CACNA2D3: variants seen among roughly 807,000 people sequenced by gnomAD.
The protein encoded by CACNA2D3 is voltage-dependent calcium channel subunit alpha-2/delta-3.
CACNA2D3 carries 60 observed loss-of-function variants against 160.6 expected under a neutral mutation model. The observed-to-expected ratio is 0.37, with a 90% CI of 0.30 to 0.46. CACNA2D3 has a LOEUF of 0.46. Among genes scored for constraint, CACNA2D3 ranks in the 20% least tolerant of loss-of-function variants. CACNA2D3 has a pLI of 1.00. For missense variants in CACNA2D3, 1,205 were observed against 1,365.0 expected, an observed-to-expected ratio of 0.88 and a Z score of 1.85; for synonymous variants, 558 against 492.9, an observed-to-expected ratio of 1.13 and a Z score of -1.75.
intron 30 of CACNA2D3, among the ~76,000 whole-genome samples, chr3:54,985,422 A>T (rs1284575286): frequency 6.6e-6 from 1 of 152,234 alleles, no homozygotes. Flanking sequence ...ACATTAACGT[A>T]TAAAAAAAGG....
Position 54,780,114 on chromosome 3 carries a change from G to T in CACNA2D3, c.1380+15763G>T, listed in dbSNP as rs533366899. On this transcript the variant is annotated intron_variant, in intron 13 of 37. Transcript: ENST00000474759. ...CAATGAGACCCCAAGGCTTACAGAA[G>T]AAATAATATAAAGAATATTGCTACA... is the stretch of plus-strand genomic sequence containing the variant. Among the ~76,000 whole-genome samples, 6 of 152,268 alleles carry T rather than the reference G, an allele frequency of 3.9e-5. No homozygotes were observed. The South Asian group carries it at 1.2e-3, about 32-fold the overall frequency.
At chr3:54,796,533 A>G (rs1255125951) in intron 13 of CACNA2D3, among the ~76,000 whole-genome samples, 1 of 152,238 alleles carries the variant, frequency 6.6e-6, no homozygotes, top group African/African-American at 2.4e-5. Flanking sequence ...CCAATGGGCC[A>G]AGGTAAAAAC....
intron 2 of CACNA2D3, among the ~76,000 whole-genome samples, chr3:54,299,691 G>A (rs1348525598): frequency 6.6e-6 from 1 of 152,186 alleles, no homozygotes; most frequent in Admixed American, 6.5e-5. Flanking sequence ...TTCAGAAAAG[G>A]GAACTTTTTC....
intron 27 of CACNA2D3, among the ~76,000 whole-genome samples, chr3:54,926,505 TACACAC>T (rs36205023): frequency 0.25 from 35,537 of 143,112 alleles, 4,587 homozygotes; most frequent in East Asian, 0.43. Flanking sequence ...GCCTGTCAAA[TACACAC>T]ACACACACAC....
At chr3:54,270,586 T>C (rs1184078752) in intron 2 of CACNA2D3, among the ~76,000 whole-genome samples, 1 of 152,220 alleles carries the variant, frequency 6.6e-6, no homozygotes, top group African/African-American at 2.4e-5. Context: ...CCATTTATTA[T>C]CTTACAGTTC....
chr3:54,687,844 A>G (rs1026445549), intron 11 of CACNA2D3, among the ~76,000 whole-genome samples: 1 of 152,218 alleles, frequency 6.6e-6, no homozygotes, highest in Non-Finnish European at 1.5e-5. Context: ...GGTGTTAGAT[A>G]TATGCTGTCA....
At chr3:54,887,573 T>C (rs963824869) in intron 23 of CACNA2D3, among the ~76,000 whole-genome samples, 9 of 152,218 alleles carry the variant, frequency 5.9e-5, no homozygotes, top group Non-Finnish European at 1.5e-5. Context: ...TGCTAAAGAA[T>C]TTCAGTTTTA....
intron 5 of CACNA2D3, among the ~76,000 whole-genome samples, chr3:54,549,635 A>G (rs1006061675): frequency 3.3e-5 from 5 of 152,010 alleles, no homozygotes; most frequent in African/African-American, 1.2e-4. Context: ...TGCTGCCCAC[A>G]TGCCCCCAGC....
At chr3:54,819,347 G>A (rs1703533254) in intron 14 of CACNA2D3, among the ~76,000 whole-genome samples, 1 of 152,150 alleles carries the variant, frequency 6.6e-6, no homozygotes, top group Non-Finnish European at 1.5e-5. Context: ...CTGGCATATG[G>A]TAGACCCTCA....
chr3:54,298,571 G>C (rs766937282), intron 2 of CACNA2D3, among the ~76,000 whole-genome samples: 8 of 152,156 alleles, frequency 5.3e-5, no homozygotes, highest in Non-Finnish European at 1.0e-4. Context: ...GGCCGAAGTG[G>C]GTGGATCACT....
chr3:55,072,036 C>G (rs1194625302), intron 35 of CACNA2D3, among the ~76,000 whole-genome samples: 1 of 152,006 alleles, frequency 6.6e-6, no homozygotes, highest in East Asian at 1.9e-4. Context: ...CTTGCATAGG[C>G]AAGAAAGAGT....
At chr3:54,190,464 A>G (rs1401346332) in intron 2 of CACNA2D3, among the ~76,000 whole-genome samples, 1 of 152,230 alleles carries the variant, frequency 6.6e-6, no homozygotes, top group Non-Finnish European at 1.5e-5. Flanking sequence ...TCACCCTGCC[A>G]CCAGCACACA....
rs1326729645 is a variant in CACNA2D3 at position 54,742,367 on chromosome 3, G to A, written c.1168-10232G>A. 4.6e-5 allele frequency among the ~76,000 whole-genome samples: 7 copies of A among 152,052 alleles called. No individual in the cohort carries two copies. In the South Asian group the frequency reaches 1.0e-3, roughly 23 times the overall value. ...TGGGAGGCGGAGGTTGCAGTGAGCT[G>A]TGATCGAGCCACTGCACTCCATCCT... On this transcript the variant is annotated intron_variant, in intron 11 of 37. Transcript: ENST00000474759.
chr3:54,240,583 G>A (rs2107406930), intron 2 of CACNA2D3, among the ~76,000 whole-genome samples: 1 of 152,264 alleles, frequency 6.6e-6, no homozygotes, highest in Non-Finnish European at 1.5e-5. Context: ...GAGGATGAGA[G>A]GAAGGAGGAG....
At chr3:54,319,684 C>A (rs78775756) in intron 2 of CACNA2D3, among the ~76,000 whole-genome samples, 16 of 151,970 alleles carry the variant, frequency 1.1e-4, no homozygotes, top group Non-Finnish European at 1.9e-4. Context: ...TCCCTGAGAG[C>A]GTCTCTTTAT....
At chr3:54,843,921 G>A (rs1375357994) in intron 16 of CACNA2D3, among the ~76,000 whole-genome samples, 1 of 152,150 alleles carries the variant, frequency 6.6e-6, no homozygotes, top group African/African-American at 2.4e-5. Context: ...CACTGTGACT[G>A]GGTGAGTCTG....
intron 4 of CACNA2D3, among the ~76,000 whole-genome samples, chr3:54,455,304 T>C (rs572285733): frequency 2.6e-5 from 4 of 152,228 alleles, no homozygotes; most frequent in South Asian, 4.1e-4. Flanking sequence ...TGAGATGATA[T>C]TGTGGTTTTG....
intron 12 of CACNA2D3, among the ~76,000 whole-genome samples, chr3:54,760,885 C>T (rs1037586006): frequency 7.2e-5 from 11 of 152,056 alleles, no homozygotes; most frequent in Non-Finnish European, 1.2e-4. Flanking sequence ...TGGATGCATT[C>T]GGCCTGAGAA....
intron 4 of CACNA2D3, among the ~76,000 whole-genome samples, chr3:54,488,141 C>T (rs1187875028): frequency 2.0e-5 from 3 of 151,956 alleles, no homozygotes; most frequent in Admixed American, 6.6e-5. Flanking sequence ...ACGGCCTGTG[C>T]ATCTGGTTGA....
Sources: gnomAD v4.1 joint callset for allele counts (sites outside exome capture counted in the v4.1 genomes callset) on GRCh38, gnomAD v4.1.1 for gene constraint, MANE v1.5 for transcripts, NCBI Gene and HGNC (gene_info 2026-07-23, HGNC 2026-07-21) for gene names.